Variants in AIG1 observed in about 807,000 individuals in gnomAD.
AIG1 encodes the protein androgen induced 1.
Under a neutral mutation model 31.4 loss-of-function variants are expected in AIG1, and 23 were observed. The observed-to-expected ratio is 0.73, with a 90% CI of 0.53 to 1.04. The LOEUF is 1.04. Among genes scored for constraint, AIG1 ranks in the 50% least tolerant of loss-of-function variants. The pLI, the probability that AIG1 is intolerant of heterozygous loss-of-function variation, is 0.00. For synonymous variants in AIG1, 100 were observed against 110.5 expected, an observed-to-expected ratio of 0.90 and a Z score of 0.60; for missense variants, 274 against 295.0, an observed-to-expected ratio of 0.93 and a Z score of 0.52.
rs143407758 is a variant in AIG1, at chr6:143,141,338, T to C, written c.297+4348T>C. Among the ~76,000 whole-genome samples, 1,259 of 152,294 alleles carry C rather than the reference T, an allele frequency of 8.3e-3. 19 individuals are homozygous for C. The highest frequency in any genetic ancestry group is 0.026 in the African/African-American group (1,097 of 41,578). On this transcript the variant is annotated intron_variant, in intron 2 of 5. Transcript: ENST00000357847. ...ATGCTTCCTCCAGTAACGAGGTTAA[T>C]TGAGAGTTGACAGTAATTGCTGTAT...
chr6:143,142,092 T>C (rs1315134132), intron 2 of AIG1, among the ~76,000 whole-genome samples: 1 of 152,126 alleles, frequency 6.6e-6, no homozygotes, highest in East Asian at 1.9e-4. Context: ...CTTTGTTTTA[T>C]AGAGGCAGGG....
At chr6:143,342,143 C>T, downstream of AIG1, 3 of 515,952 alleles carry the variant, frequency 5.8e-6, no homozygotes, top group Non-Finnish European at 3.5e-6. Context: ...AGGCTGGTCT[C>T]AAACTCCCGA....
chr6:143,280,065 C>T lies in AIG1; in HGVS notation c.400-4045C>T, dbSNP rs1172763588. Among the ~76,000 whole-genome samples, 2 of 152,152 alleles carry T rather than the reference C, an allele frequency of 1.3e-5. No individual in the cohort carries two copies. Among genetic ancestry groups the T allele is most frequent in the Non-Finnish European group, 2.9e-5 (2 of 68,028 alleles). On this transcript the variant is annotated intron_variant, in intron 3 of 5. Coordinates refer to ENST00000357847, the MANE Select transcript of AIG1 (RefSeq NM_016108.4). The surrounding 1 kb of genome is among the most constrained non-coding windows in gnomAD (Gnocchi z 4.1). ...ACCTTTGGTGACTAGACTTTGTAAC[C>T]ATCTCATTTATCCAAGGTGGATCTA... is the stretch of plus-strand genomic sequence containing the variant.
At chr6:143,189,933 C>T (rs1789632279) in intron 3 of AIG1, 4 of 702,362 alleles carry the variant, frequency 5.7e-6, no homozygotes, top group Non-Finnish European at 7.0e-6. Context: ...GAGCTGGGTG[C>T]CAGCATGGTT....
At position 143,186,846 on chromosome 6, in the gene AIG1, G is replaced by T. The variant is rs76964269; in HGVS notation, c.399+21663G>T. ...TCAGAATGGAGTTCTCTGTTCAAAT[G>T]ATCTTCTTAAATTTCTGTACTGAGC... On this transcript the variant is annotated intron_variant, in intron 3 of 5. Transcript: ENST00000357847. The T allele has an allele frequency of 4.7e-3, 721 of 154,742 alleles. 5 individuals are homozygous for T. The highest frequency in any genetic ancestry group is 0.016 in the African/African-American group (677 of 41,604). The allele number at this position is 154,742 out of a possible 1,614,324, so 9.6% of individuals were successfully genotyped here.
At chr6:143,090,563 C>T (rs1779212733) in intron 1 of AIG1, among the ~76,000 whole-genome samples, 1 of 152,182 alleles carries the variant, frequency 6.6e-6, no homozygotes, top group South Asian at 2.1e-4. Context: ...AAGTGACGCA[C>T]ATGAATTTTT....
intron 1 of AIG1, among the ~76,000 whole-genome samples, chr6:143,127,511 A>G (rs1782795795): frequency 6.6e-6 from 1 of 152,254 alleles, no homozygotes; most frequent in South Asian, 2.1e-4. Context: ...AAAGGTCAAG[A>G]CAAATATACT....
In AIG1 at chr6:143,325,360, C is replaced by A. The variant is rs1170344760; in HGVS notation, c.516-7922C>A. ...TCTCAGTCTGTCCTGATAGTTTCAA[C>A]CACAATCTTCTTTTGCCAATGAACT... On this transcript the variant is annotated intron_variant, in intron 4 of 5. Coordinates refer to ENST00000357847, the MANE Select transcript of AIG1 (RefSeq NM_016108.4). The surrounding 1 kb of genome is among the most constrained non-coding windows in gnomAD (Gnocchi z 4.3). Among the ~76,000 whole-genome samples the A allele has an allele frequency of 1.3e-5, 2 of 152,218 alleles. No homozygotes were observed. Among genetic ancestry groups the A allele is most frequent in the East Asian group, 3.8e-4 (2 of 5,198 alleles).
rs117180756 is a variant in AIG1 at position 143,260,751 on chromosome 6, A to G, written c.400-23359A>G. Among the ~76,000 whole-genome samples, 688 of 152,308 alleles carry G rather than the reference A, an allele frequency of 4.5e-3. 2 individuals are homozygous for G. The highest frequency in any genetic ancestry group is 5.8e-3 in the Non-Finnish European group (395 of 68,020). On this transcript the variant is annotated intron_variant, in intron 3 of 5. Transcript: ENST00000357847. ...TGAGAATTGAGGCTTAAATAAGTTA[A>G]ATGTCTTCCCCAAGGTCACAAAGCT...
intron 3 of AIG1, among the ~76,000 whole-genome samples, chr6:143,208,561 T>C (rs1423605087): frequency 6.6e-6 from 1 of 152,192 alleles, no homozygotes; most frequent in Non-Finnish European, 1.5e-5. Flanking sequence ...TTTTAAGGAA[T>C]GGAAGGCTGT....
intron 1 of AIG1, among the ~76,000 whole-genome samples, chr6:143,110,511 T>C (rs1781173528): frequency 6.6e-6 from 1 of 152,224 alleles, no homozygotes; most frequent in Non-Finnish European, 1.5e-5. Context: ...TGTGGAGGAC[T>C]GCACATCGTT....
intron 3 of AIG1, among the ~76,000 whole-genome samples, chr6:143,212,224 A>G (rs1004570055): frequency 2.0e-5 from 3 of 152,196 alleles, no homozygotes; most frequent in Non-Finnish European, 4.4e-5. Context: ...CCAACAATTC[A>G]AATTCCACCT....
chr6:143,229,287 T>C (rs1793252418), intron 3 of AIG1, among the ~76,000 whole-genome samples: 2 of 152,264 alleles, frequency 1.3e-5, no homozygotes, highest in Non-Finnish European at 2.9e-5. Context: ...TACCTTAGTG[T>C]GTAATTGTAT....
rs1202103431 is a variant in AIG1 at position 143,330,296 on chromosome 6, G to A, written c.516-2986G>A. On this transcript the variant is annotated intron_variant, in intron 4 of 5. Transcript: ENST00000357847. This position sits in a 1 kb window ranked among gnomAD's most constrained non-coding sequence, Gnocchi z 4.4. ...AAAATAAAGGATGAAAGAATAGAGAGTTTGAGGGTAGAGGTTGCAATTTTT... is the reference window on the plus strand; with the variant it reads ...AAAATAAAGGATGAAAGAATAGAGAATTTGAGGGTAGAGGTTGCAATTTTT... Among the ~76,000 whole-genome samples, 2 of 152,150 alleles carry A rather than the reference G, an allele frequency of 1.3e-5. No individual in the cohort carries two copies. The highest frequency in any genetic ancestry group is 2.9e-5 in the Non-Finnish European group (2 of 68,036).
chr6:143,239,992 T>G (rs1319519352), intron 3 of AIG1, among the ~76,000 whole-genome samples: 1 of 152,178 alleles, frequency 6.6e-6, no homozygotes, highest in African/African-American at 2.4e-5. Flanking sequence ...CACTATTACC[T>G]AAAGCCCATC....
At chr6:143,236,241 G>A (rs759492183) in intron 3 of AIG1, among the ~76,000 whole-genome samples, 5 of 152,182 alleles carry the variant, frequency 3.3e-5, no homozygotes, top group Admixed American at 2.0e-4. Context: ...GGTGACCTTC[G>A]CAGCCATCTG....
chr6:143,072,369 G>A (rs1777370711), intron 1 of AIG1, among the ~76,000 whole-genome samples: 2 of 152,022 alleles, frequency 1.3e-5, no homozygotes, highest in Admixed American at 1.3e-4. Flanking sequence ...CATGTCACCT[G>A]TTAATAGAGA....
At chr6:143,207,896 TCA>T (rs1208158687) in intron 3 of AIG1, among the ~76,000 whole-genome samples, 1 of 152,208 alleles carries the variant, frequency 6.6e-6, no homozygotes, top group Admixed American at 6.5e-5. Flanking sequence ...CCTCAGAATT[TCA>T]GTCAGTAGAG....
intron 1 of AIG1, among the ~76,000 whole-genome samples, chr6:143,127,682 G>A (rs1317397487): frequency 6.6e-6 from 1 of 151,482 alleles, no homozygotes; most frequent in African/African-American, 2.4e-5. Flanking sequence ...GTTTTTTGGT[G>A]CTGACCTTTC....
Sources: allele counts gnomAD v4.1 joint callset (sites outside exome capture counted in the v4.1 genomes callset), GRCh38; gene constraint gnomAD v4.1.1; non-coding constraint Gnocchi (gnomAD v3.1); transcripts MANE v1.5; gene names NCBI Gene and HGNC (gene_info 2026-07-23, HGNC 2026-07-21).